Variants in DOT1L observed in about 807,000 individuals in gnomAD.
DOT1L encodes DOT1 like histone lysine methyltransferase, also known as histone-lysine N-methyltransferase, H3 lysine-79 specific.
Under a neutral mutation model 153.3 loss-of-function variants are expected in DOT1L, and 33 were observed. The ratio of observed to expected loss-of-function variants is 0.22; its 90% CI spans 0.16 to 0.29. DOT1L has a LOEUF of 0.29. DOT1L is among the 10% of genes least tolerant of loss of function. The pLI, the probability that DOT1L is intolerant of heterozygous loss-of-function variation, is 1.00. For synonymous variants in DOT1L, 1,135 were observed against 965.1 expected, an observed-to-expected ratio of 1.18 and a Z score of -3.26; for missense variants, 1,847 against 2,119.9, an observed-to-expected ratio of 0.87 and a Z score of 2.53.
chr19:2,168,220 C>T (rs1056007461), intron 1 of DOT1L, among the ~76,000 whole-genome samples: 1 of 152,182 alleles, frequency 6.6e-6, no homozygotes, highest in Non-Finnish European at 1.5e-5. Context: ...GTAGTCCCTG[C>T]ACTTTGGGAA....
chr19:2,228,187 C>T (rs772602449), intron 27 of DOT1L: 2 of 1,365,410 alleles, frequency 1.5e-6, no homozygotes, highest in East Asian at 4.6e-5. Flanking sequence ...GGCGCCCGCC[C>T]CTCCTTCACG....
intron 2 of DOT1L, among the ~76,000 whole-genome samples, chr19:2,183,630 C>CTTT (rs34433988): frequency 6.9e-6 from 1 of 144,112 alleles, no homozygotes; most frequent in South Asian, 2.2e-4. Flanking sequence ...TGCTTCAGTG[C>CTTT]TTTTTTTTTT....
intron 27 of DOT1L, 66 bp downstream of exon 27, chr19:2,227,193 G>A (rs1322455305): frequency 2.6e-6 from 4 of 1,567,398 alleles, no homozygotes; most frequent in Admixed American, 1.7e-5. Flanking sequence ...TCCTTTGCAG[G>A]TTCCCTTCCG....
intron 14 of DOT1L, 57 bp downstream of exon 14, chr19:2,210,912 C>CCGGA: frequency 6.3e-7 from 1 of 1,584,110 alleles, no homozygotes; most frequent in South Asian, 1.1e-5. Flanking sequence ...GCCTGGGGTC[C>CCGGA]CCTCTGCTGG....
At chr19:2,180,141 C>T (rs570754152) in intron 1 of DOT1L, among the ~76,000 whole-genome samples, 3 of 152,192 alleles carry the variant, frequency 2.0e-5, no homozygotes, top group East Asian at 1.9e-4. Flanking sequence ...ATGGCGAGGC[C>T]GCCCACGTGG....
chr19:2,197,535 G>A lies in DOT1L; in HGVS notation c.652-2349G>A, dbSNP rs1016250244. On this transcript the variant is annotated intron_variant, in intron 7 of 27. Transcript: ENST00000398665. The surrounding 1 kb of genome is among the most constrained non-coding windows in gnomAD (Gnocchi z 4.1). ...CCCCCTTCTGCCTCATCTTGTCAGC[G>A]TCTGGGTCAGCACCCTGCCTCCTGG... Among the ~76,000 whole-genome samples the A allele has an allele frequency of 5.9e-5, 9 of 152,184 alleles. No individual in the cohort carries two copies. The highest frequency in any genetic ancestry group is 1.2e-4 in the Non-Finnish European group (8 of 68,028).
intron 6 of DOT1L, among the ~76,000 whole-genome samples, chr19:2,194,233 C>G (rs1599565751): frequency 2.6e-5 from 4 of 152,226 alleles, no homozygotes; most frequent in Admixed American, 2.6e-4. Flanking sequence ...TGCAGTGACT[C>G]GATCTCGGCT....
chr19:2,174,790 A>G (rs568123246), intron 1 of DOT1L, among the ~76,000 whole-genome samples: 1 of 150,036 alleles, frequency 6.7e-6, no homozygotes, highest in East Asian at 1.9e-4. Context: ...AGCTAGTTAA[A>G]AAAAAAAAAA....
intron 1 of DOT1L, among the ~76,000 whole-genome samples, chr19:2,176,161 C>CGCTT (rs1291656400): frequency 1.3e-5 from 2 of 152,180 alleles, no homozygotes; most frequent in Non-Finnish European, 2.9e-5. Context: ...GGAATGTCAC[C>CGCTT]GCTTGGCCTT....
In DOT1L at chr19:2,222,384, G is replaced by C; in HGVS notation, c.3215G>C (p.Arg1072Pro). 1 of 1,611,154 alleles carries C rather than the reference G, an allele frequency of 6.2e-7. No homozygotes were observed. The highest frequency in any genetic ancestry group is 1.1e-5 in the South Asian group (1 of 90,942). Residue 1072 changes from arginine to proline, a missense_variant, in exon 24 of 28, where the codon CGT (arginine) becomes CCT (proline). By Grantham distance (103) the Arg-to-Pro change is moderately radical (BLOSUM62 -2). This residue lies in a region of DOT1L where 934 missense variants were observed against 825.3 expected (regional missense o/e 1.13). Transcript: ENST00000398665. This position sits in a 1 kb window ranked among gnomAD's most constrained non-coding sequence, Gnocchi z 6.5. ...SKHSPLTASA[R>P]GDCVPSHGQD... ...CACAGCCCCCTGACCGCCAGCGCCC[G>C]TGGGGACTGTGTGCCGAGCCACGGG... is the stretch of plus-strand genomic sequence containing the variant.
chr19:2,181,347 G>C (rs540832772), intron 2 of DOT1L, among the ~76,000 whole-genome samples: 1 of 152,162 alleles, frequency 6.6e-6, no homozygotes, highest in Non-Finnish European at 1.5e-5. Context: ...TGGCCCTGGC[G>C]TCTTGCTGGT....
intron 18 of DOT1L, 49 bp downstream of exon 18, chr19:2,214,035 C>A: frequency 6.3e-7 from 1 of 1,585,048 alleles, no homozygotes; most frequent in South Asian, 1.1e-5. Flanking sequence ...AGGGGCCCTG[C>A]CTGGGCGGGT....
rs550055751 is a variant in DOT1L, at chr19:2,181,433, A to G, written c.125+677A>G. On this transcript the variant is annotated intron_variant, in intron 2 of 27. Coordinates refer to ENST00000398665, the MANE Select transcript of DOT1L (RefSeq NM_032482.3). Reference sequence around the variant, plus strand: ...GCATCTGCCCAGGCCTGCAGCTGCCATAAGGGCCATGCTGAGCTCCTCTTG... The same window carrying G: ...GCATCTGCCCAGGCCTGCAGCTGCCGTAAGGGCCATGCTGAGCTCCTCTTG... Among the ~76,000 whole-genome samples the G allele has an allele frequency of 2.3e-4, 35 of 152,278 alleles. No individual in the cohort carries two copies. In the East Asian group the frequency reaches 5.2e-3, roughly 23 times the overall value.
chr19:2,205,565 C>T (rs1171565544), intron 9 of DOT1L, among the ~76,000 whole-genome samples: 5 of 152,298 alleles, frequency 3.3e-5, no homozygotes, highest in Admixed American at 3.3e-4. Context: ...AGTTAGAATC[C>T]CAGGGTTCAG....
rs368784551 is a variant in DOT1L at position 2,193,693 on chromosome 19, G to A, written c.498G>A (p.Val166=). 9 of 1,613,984 alleles carry A rather than the reference G, an allele frequency of 5.6e-6. No homozygotes were observed. In the East Asian group the frequency reaches 1.8e-4, roughly 32 times the overall value. ...GATGGATCTCTCTGATCATAGGTGTGGGCCAGGTCGTGCTCCAGGTTGCTG... is the reference window on the plus strand; with the variant it reads ...GATGGATCTCTCTGATCATAGGTGTAGGCCAGGTCGTGCTCCAGGTTGCTG... ...DDLFVDLGSG[V]GQVVLQVAAA... is the part of the protein sequence containing the mutation. Residue 166 remains valine (V), a synonymous_variant, in exon 6 of 28, where the codon GTG becomes GTA. Coordinates refer to ENST00000398665, the MANE Select transcript of DOT1L (RefSeq NM_032482.3). The surrounding 1 kb of genome is among the most constrained non-coding windows in gnomAD (Gnocchi z 5.9).
At chr19:2,203,248 T>TGC (rs2023363536) in intron 9 of DOT1L, among the ~76,000 whole-genome samples, 2 of 152,196 alleles carry the variant, frequency 1.3e-5, no homozygotes, top group Non-Finnish European at 2.9e-5. Context: ...TACAGGCACA[T>TGC]GCCACCATGC....
At position 2,230,550 on chromosome 19, in the gene DOT1L, T is replaced by C. The variant is rs1008758794; in HGVS notation, c.*758T>C. The C allele has an allele frequency of 2.5e-6, 1 of 398,610 alleles. No individual in the cohort carries two copies. Among genetic ancestry groups the C allele is most frequent in the Non-Finnish European group, 4.4e-6 (1 of 226,108 alleles). 24.7% of individuals were successfully genotyped at this position (398,610 alleles called of 1,614,324 possible). On this transcript the variant is annotated 3_prime_UTR_variant, in exon 28 of 28. Coordinates refer to ENST00000398665, the MANE Select transcript of DOT1L (RefSeq NM_032482.3). ...TGCATTTACTTTTGTATTTCTCGGCTGTCCATGGCTCGCAGCATGCCCTGC... is the reference window on the plus strand; with the variant it reads ...TGCATTTACTTTTGTATTTCTCGGCCGTCCATGGCTCGCAGCATGCCCTGC...
rs756881409 is a variant in DOT1L, at chr19:2,223,485, C to G, written c.3595C>G (p.Arg1199Gly). 5 of 1,496,466 alleles carry G rather than the reference C, an allele frequency of 3.3e-6. No homozygotes were observed. Among genetic ancestry groups the G allele is most frequent in the Non-Finnish European group, 4.5e-6 (5 of 1,107,632 alleles). The allele number at this position is 1,496,466 out of a possible 1,614,324, so 92.7% of individuals were successfully genotyped here. A position where few individuals can be genotyped will look rare whatever the true frequency, so the allele number is the denominator to read the frequency against. Residue 1199 changes from arginine to glycine, a missense_variant and splice_region_variant, in exon 25 of 28, where the codon CGA (arginine) becomes GGA (glycine). By Grantham distance (125) the Arg-to-Gly change is moderately radical. Around this residue, in one of 8 missense-constraint regions of DOT1L, gnomAD observed 934 missense variants for 825.3 expected, o/e 1.13. Coordinates refer to ENST00000398665, the MANE Select transcript of DOT1L (RefSeq NM_032482.3). ...PGSEDEPSSA[R>G]IERKIATISL... ...CTCTGAGGACGAGCCCAGCAGTGCT[C>G]GGCGAGTCCAGGGGCCCGGAGGGGG...
In DOT1L at chr19:2,226,731, C is replaced by G. The variant is rs763784405; in HGVS notation, c.4210C>G (p.Pro1404Ala). The change falls in exon 27 of 28, where the codon CCA becomes GCA. Residue 1404 changes from proline (P) to alanine (A), a missense_variant. By Grantham distance (27) the Pro-to-Ala change is conservative (BLOSUM62 -1). Transcript: ENST00000398665. The part of the protein sequence containing the change: ...LPLCGPTDKT[P>A]LLSGKAAKAR... ...GCTGTGCGGGCCCACGGACAAGACC[C>G]CACTGCTGAGCGGCAAGGCCGCCAA... 74 of 1,559,692 alleles carry G rather than the reference C, an allele frequency of 4.7e-5. No homozygotes were observed. The highest frequency in any genetic ancestry group is 7.2e-5 in the South Asian group (6 of 83,796).
Sources: gnomAD v4.1 joint callset for allele counts (sites outside exome capture counted in the v4.1 genomes callset) on GRCh38, gnomAD v4.1.1 for gene constraint, gnomAD v4.1.1 regional missense constraint, Gnocchi (gnomAD v3.1) non-coding constraint, MANE v1.5 for transcripts, NCBI Gene and HGNC (gene_info 2026-07-23, HGNC 2026-07-21) for gene names.